The following NPEPPS variants were observed in gnomAD, a reference collection of about 807,000 sequenced individuals.
The protein encoded by NPEPPS is aminopeptidase puromycin sensitive, also known as puromycin-sensitive aminopeptidase.
In NPEPPS, 14 loss-of-function variants were observed where a neutral mutation model predicts 115.5. That is an observed-to-expected ratio of 0.12 (90% CI 0.08 to 0.19). The LOEUF (loss-of-function observed/expected upper bound fraction) is 0.19. Ranked by LOEUF, NPEPPS falls within the 10% of genes least tolerant of loss-of-function variation. NPEPPS has a pLI of 1.00. For missense variants in NPEPPS, 523 were observed against 1,110.8 expected (o/e 0.47, Z 7.52); for synonymous variants, 285 against 390.6 (o/e 0.73, Z 3.19).
chr17:47,538,105 C>G (rs1299575913), intron 1 of NPEPPS, among the ~76,000 whole-genome samples: 1 of 150,974 alleles, frequency 6.6e-6, no homozygotes, highest in African/African-American at 2.4e-5. Context: ...GTTGGCCAGG[C>G]TGGTCTTGAA....
At position 47,621,824 on chromosome 17, in the gene NPEPPS, T is replaced by G. The variant is rs747566073; in HGVS notation, c.2664T>G (p.Cys888Trp). 1.2e-6 allele frequency: 2 copies of G among 1,613,980 alleles called. No individual in the cohort carries two copies. Among genetic ancestry groups the G allele is most frequent in the Non-Finnish European group, 1.7e-6 (2 of 1,179,844 alleles). ...PSAERTIQQC[C>W]ENILLNAAWL... ...CTGAGCGTACCATCCAGCAGTGTTG[T>G]GAAAATATTCTGCTGAATGCTGCCT... is the stretch of plus-strand genomic sequence containing the variant. Residue 888 changes from cysteine to tryptophan, a missense_variant, in exon 23 of 23, where the codon TGT becomes TGG. By Grantham distance (215) the Cys-to-Trp change is radical. This residue lies in a region of NPEPPS where 372 missense variants were observed against 542.6 expected (regional missense o/e 0.69). Coordinates refer to ENST00000322157, the MANE Select transcript of NPEPPS (RefSeq NM_006310.4).
At chr17:47,527,280 C>T (rs1156558948), upstream of NPEPPS, among the ~76,000 whole-genome samples, 3 of 151,806 alleles carry the variant, frequency 2.0e-5, no homozygotes, top group Admixed American at 6.6e-5. Flanking sequence ...GACAGGAGTT[C>T]GAGACCAGCC....
At chr17:47,577,498 T>A (rs1251049572) in intron 3 of NPEPPS, among the ~76,000 whole-genome samples, 2 of 152,194 alleles carry the variant, frequency 1.3e-5, no homozygotes, top group Admixed American at 1.3e-4. Flanking sequence ...CTTTATAGTT[T>A]AATTTTTTAG....
chr17:47,537,632 C>T lies in NPEPPS; in HGVS notation c.255+6077C>T, dbSNP rs533250349. Reference sequence around the variant, plus strand: ...TGCTTGAACTCGGGAAGCGGAGGAGCGGAGGTTGCGGTGAGCTGAGATCAC... The same window carrying T: ...TGCTTGAACTCGGGAAGCGGAGGAGTGGAGGTTGCGGTGAGCTGAGATCAC... On this transcript the variant is annotated intron_variant, in intron 1 of 22. Coordinates refer to ENST00000322157, the MANE Select transcript of NPEPPS (RefSeq NM_006310.4). Among the ~76,000 whole-genome samples the T allele has an allele frequency of 3.2e-4, 48 of 151,234 alleles. No homozygotes were observed. In the South Asian group the frequency reaches 8.2e-3, roughly 26 times the overall value.
chr17:47,607,768 A>C (rs1913603090), intron 17 of NPEPPS, among the ~76,000 whole-genome samples: 2 of 152,196 alleles, frequency 1.3e-5, no homozygotes, highest in South Asian at 4.1e-4. Context: ...AAGAAAGAGA[A>C]GTGTCATCAA....
chr17:47,546,242 G>A (rs796638697), intron 2 of NPEPPS, among the ~76,000 whole-genome samples: 1 of 151,996 alleles, frequency 6.6e-6, no homozygotes, highest in African/African-American at 2.4e-5. Flanking sequence ...CCTGGGCCAC[G>A]TGGCGAAACA....
upstream of NPEPPS, among the ~76,000 whole-genome samples, chr17:47,527,493 C>A (rs932137953): frequency 2.0e-5 from 3 of 149,854 alleles, no homozygotes; most frequent in Admixed American, 6.6e-5. Context: ...TCAAAAAAAA[C>A]CCAAAACAAA....
chr17:47,547,256 G>T (rs1420608496), intron 2 of NPEPPS, among the ~76,000 whole-genome samples: 1 of 152,114 alleles, frequency 6.6e-6, no homozygotes, highest in Non-Finnish European at 1.5e-5. Context: ...ATTTTGACTG[G>T]AAATCTTATT....
chr17:47,562,052 TGA>T (rs1349007292), intron 2 of NPEPPS, among the ~76,000 whole-genome samples: 1 of 152,210 alleles, frequency 6.6e-6, no homozygotes, highest in Non-Finnish European at 1.5e-5. Context: ...AGGGAGGGTA[TGA>T]GAGCTCTGCA....
At chr17:47,546,351 A>G (rs1389901365) in intron 2 of NPEPPS, among the ~76,000 whole-genome samples, 1 of 152,024 alleles carries the variant, frequency 6.6e-6, no homozygotes, top group Non-Finnish European at 1.5e-5. Context: ...TATTGAGCCC[A>G]GGTGGCCGAG....
intron 17 of NPEPPS, 116 bp from the exon 18 acceptor site, chr17:47,612,340 TTGAG>T: frequency 1.1e-6 from 1 of 911,582 alleles, no homozygotes; most frequent in Non-Finnish European, 1.6e-6. Context: ...ATTAAGTTAA[TTGAG>T]TGTGTTTGTT....
intron 2 of NPEPPS, among the ~76,000 whole-genome samples, chr17:47,551,195 G>A (rs1909625190): frequency 6.6e-6 from 1 of 152,030 alleles, no homozygotes; most frequent in African/African-American, 2.4e-5. Flanking sequence ...AAATCTTGTT[G>A]ATGTGTATAC....
In NPEPPS at chr17:47,558,208, A is replaced by G. The variant is rs369308894; in HGVS notation, c.341-11209A>G. 1.1e-4 allele frequency among the ~76,000 whole-genome samples: 17 copies of G among 151,518 alleles called. No homozygotes were observed. The South Asian group carries it at 1.5e-3, about 13-fold the overall frequency. On this transcript the variant is annotated intron_variant, in intron 2 of 22. Transcript: ENST00000322157. ...AGTGGTGTGATCTCGGCTCACTGCA[A>G]CCTCCGCCTCCCAGGTTCAAGCAGT...
At chr17:47,569,274 G>T in intron 2 of NPEPPS, 143 bp from the exon 3 acceptor site, 1 of 605,268 alleles carries the variant, frequency 1.7e-6, no homozygotes, top group Non-Finnish European at 3.0e-6. Flanking sequence ...CATTTGAAAT[G>T]AAACTCTTGC....
At chr17:47,548,019 C>T (rs1909353370) in intron 2 of NPEPPS, among the ~76,000 whole-genome samples, 1 of 152,062 alleles carries the variant, frequency 6.6e-6, no homozygotes, top group Non-Finnish European at 1.5e-5. Flanking sequence ...GAGCGAGACT[C>T]CGTCTCAAAA....
chr17:47,536,764 T>C (rs1389421166), intron 1 of NPEPPS, among the ~76,000 whole-genome samples: 5 of 139,168 alleles, frequency 3.6e-5, no homozygotes, highest in African/African-American at 5.5e-5. Context: ...CAGGCTGGAG[T>C]GCAATGGCGC....
At chr17:47,579,690 G>A in intron 4 of NPEPPS, 179 bp downstream of exon 4, 1 of 503,324 alleles carries the variant, frequency 2.0e-6, no homozygotes, top group Non-Finnish European at 3.6e-6. Context: ...AGGGAATTAA[G>A]GGTATGGGTT....
At chr17:47,611,208 C>T (rs1279827518) in intron 17 of NPEPPS, among the ~76,000 whole-genome samples, 1 of 151,568 alleles carries the variant, frequency 6.6e-6, no homozygotes, top group African/African-American at 2.4e-5. Flanking sequence ...GCTTGTAATC[C>T]CAACACTGTG....
intron 22 of NPEPPS, among the ~76,000 whole-genome samples, chr17:47,621,361 T>C (rs1914561581): frequency 6.6e-6 from 1 of 152,182 alleles, no homozygotes; most frequent in Non-Finnish European, 1.5e-5. Context: ...ATTGTCTCTT[T>C]AATCTTCTGG....
Sources: gnomAD v4.1 joint callset for allele counts (sites outside exome capture counted in the v4.1 genomes callset) on GRCh38, gnomAD v4.1.1 for gene constraint, gnomAD v4.1.1 regional missense constraint, MANE v1.5 for transcripts, NCBI Gene and HGNC (gene_info 2026-07-23, HGNC 2026-07-21) for gene names.